MYO9A: variants seen among roughly 807,000 people sequenced by gnomAD.
The protein encoded by MYO9A is myosin IXA.
Under a neutral mutation model 293.3 loss-of-function variants are expected in MYO9A, and 103 were observed. That is an observed-to-expected ratio of 0.35 (90% CI 0.30 to 0.41). MYO9A has a LOEUF of 0.41. Ranked by LOEUF, MYO9A falls within the 10% of genes least tolerant of loss-of-function variation. MYO9A has a pLI of 1.00. For synonymous variants in MYO9A, 1,001 were observed against 1,035.7 expected (o/e 0.97, Z 0.64); for missense variants, 2,685 against 3,033.0 (o/e 0.89, Z 2.69).
intron 1 of MYO9A, among the ~76,000 whole-genome samples, chr15:72,077,297 TG>T (rs539110795): frequency 1.3e-3 from 198 of 152,238 alleles, no homozygotes; most frequent in African/African-American, 4.5e-3. Flanking sequence ...TAAAAACTTC[TG>T]CTCTGCAAAA....
intron 2 of MYO9A, among the ~76,000 whole-genome samples, chr15:72,043,450 T>C (rs575274725): frequency 6.6e-6 from 1 of 152,140 alleles, no homozygotes; most frequent in Non-Finnish European, 1.5e-5. Context: ...TATCCATCAA[T>C]GAGTGAACAG....
chr15:72,007,845 A>G lies in MYO9A; in HGVS notation c.1361T>C (p.Ile454Thr). The change falls in exon 8 of 42, where the codon ATT (isoleucine) becomes ACT (threonine). Residue 454 changes from isoleucine (I) to threonine (T), a missense_variant. Around this residue, in one of 10 missense-constraint regions of MYO9A, gnomAD observed 289 missense variants for 456.8 expected, o/e 0.63. Coordinates refer to ENST00000356056, the MANE Select transcript of MYO9A (RefSeq NM_006901.4). ...ACTCACCTCTAATAATTCTGAGACA[A>G]TAGGCAGAACTTCAGGATTACAGAT... The part of the protein sequence containing the change: ...IDICNPEVLP[I>T]VSELLEVKEE... The G allele has an allele frequency of 5.0e-6, 8 of 1,612,224 alleles. No homozygotes were observed. Among genetic ancestry groups the G allele is most frequent in the Non-Finnish European group, 6.8e-6 (8 of 1,179,440 alleles).
chr15:71,933,792 G>C, intron 17 of MYO9A, 83 bp from the exon 18 acceptor site: 2 of 1,198,700 alleles, frequency 1.7e-6, no homozygotes, highest in Non-Finnish European at 1.2e-6. Context: ...AGATTTCAAG[G>C]TCTCTCCTAA....
intron 10 of MYO9A, 103 bp downstream of exon 10, chr15:71,994,362 TCTTA>T: frequency 1.6e-6 from 1 of 608,910 alleles, no homozygotes; most frequent in Non-Finnish European, 2.7e-6. Flanking sequence ...AAAAGCGATT[TCTTA>T]CTTATTACTC....
At chr15:72,078,384 C>G (rs1026860529) in intron 1 of MYO9A, among the ~76,000 whole-genome samples, 1 of 151,602 alleles carries the variant, frequency 6.6e-6, no homozygotes, top group African/African-American at 2.4e-5. Context: ...CCTAGCTACT[C>G]AGGAGGCTGA....
intron 27 of MYO9A, among the ~76,000 whole-genome samples, chr15:71,887,731 CTTGTTAATCTGTCTTTTGTTACAGG>C (rs2057063281): frequency 6.6e-6 from 1 of 152,086 alleles, no homozygotes; most frequent in African/African-American, 2.4e-5. Flanking sequence ...TTATTTTTCT[CTTGTTAATCTGTCTTTTGTTACAGG>C]ATTCTGTCCC....
At chr15:72,060,417 T>A (rs1283369468) in intron 1 of MYO9A, among the ~76,000 whole-genome samples, 2 of 151,910 alleles carry the variant, frequency 1.3e-5, no homozygotes, top group Non-Finnish European at 2.9e-5. Flanking sequence ...AAAAAATAAA[T>A]AAAAAATAAA....
chr15:72,056,271 A>T (rs2078716004), intron 1 of MYO9A, among the ~76,000 whole-genome samples: 1 of 152,204 alleles, frequency 6.6e-6, no homozygotes, highest in African/African-American at 2.4e-5. Flanking sequence ...CATTTATACA[A>T]AAAAAGATAC....
chr15:71,872,795 T>C (rs1025600213), intron 32 of MYO9A, among the ~76,000 whole-genome samples: 2 of 152,190 alleles, frequency 1.3e-5, no homozygotes, highest in Admixed American at 1.3e-4. Context: ...AGTACAGATA[T>C]TAAAATTTTT....
chr15:71,888,110 G>T lies in MYO9A; in HGVS notation c.5149C>A (p.Gln1717Lys). The T allele has an allele frequency of 6.4e-7, 1 of 1,573,506 alleles. No individual in the cohort carries two copies. Among genetic ancestry groups the T allele is most frequent in the Non-Finnish European group, 8.7e-7 (1 of 1,146,678 alleles). The change falls in exon 27 of 42, where the codon CAG becomes AAG. Residue 1717 changes from glutamine to lysine, a missense_variant. By Grantham distance (53) the Gln-to-Lys change is moderately conservative (BLOSUM62 1). Coordinates refer to ENST00000356056, the MANE Select transcript of MYO9A (RefSeq NM_006901.4). The part of the protein sequence containing the change: ...LAGPGQRETS[Q>K]RFSSVDEQAK... Reference sequence around the variant, plus strand: ...TGTTCATCAACTGACGAAAATCGCTGTGATGTCTGTAATAATTACATATGT... The same window carrying T: ...TGTTCATCAACTGACGAAAATCGCTTTGATGTCTGTAATAATTACATATGT...
intron 1 of MYO9A, among the ~76,000 whole-genome samples, chr15:72,100,685 C>T (rs958054988): frequency 2.2e-4 from 33 of 151,284 alleles, no homozygotes; most frequent in Admixed American, 9.8e-4. Context: ...ATCTCTGCCC[C>T]GCCGCCCCGT....
Position 71,827,995 on chromosome 15 carries a change from C to T in MYO9A, c.7072G>A (p.Glu2358Lys), listed in dbSNP as rs2054578455. 1 of 1,613,670 alleles carries T rather than the reference C, an allele frequency of 6.2e-7. No homozygotes were observed. The highest frequency in any genetic ancestry group is 8.5e-7 in the Non-Finnish European group (1 of 1,179,776). Residue 2358 changes from glutamate (E) to lysine (K), a missense_variant, in exon 41 of 42, where the codon GAA becomes AAA. Physicochemically the swap from Glu to Lys is moderately conservative, Grantham distance 56. This residue lies in a region of MYO9A where 350 missense variants were observed against 328.9 expected (regional missense o/e 1.06). Transcript: ENST00000356056. The part of the protein sequence containing the change: ...EELTFEMLVL[E>K]PRASDDETLE... ...GTTTCATCATCAGAGGCACGGGGTT[C>T]CAGTACAAGCATCTCAAATGTTAGC...
intron 1 of MYO9A, among the ~76,000 whole-genome samples, chr15:72,098,956 A>C (rs1445858282): frequency 2.6e-5 from 4 of 152,014 alleles, no homozygotes; most frequent in East Asian, 1.9e-4. Flanking sequence ...AAAAAAAAAA[A>C]CAACTATAAA....
In MYO9A at chr15:71,830,292, C is replaced by G; in HGVS notation, c.6857G>C (p.Arg2286Pro). The change falls in exon 40 of 42, where the codon CGA becomes CCA. Residue 2286 changes from arginine (R) to proline (P), a missense_variant. Transcript: ENST00000356056. ...RRSMGKGRIR[R>P]GNYPGPSSPV... The stretch of plus-strand genomic sequence containing the variant: ...AGACGATGGACCTGGATAGTTTCCT[C>G]GACGAATACGCCCCTTTCCCTGCAG... 1 of 1,613,596 alleles carries G rather than the reference C, an allele frequency of 6.2e-7. No individual in the cohort carries two copies. Among genetic ancestry groups the G allele is most frequent in the Non-Finnish European group, 8.5e-7 (1 of 1,179,888 alleles).
chr15:72,116,434 C>T (rs1261416780), intron 1 of MYO9A, among the ~76,000 whole-genome samples: 2 of 152,190 alleles, frequency 1.3e-5, no homozygotes, highest in Non-Finnish European at 2.9e-5. Context: ...TTTTATTCAA[C>T]ATTTTACTGC....
At chr15:72,033,333 G>A (rs957659701) in intron 2 of MYO9A, among the ~76,000 whole-genome samples, 3 of 152,036 alleles carry the variant, frequency 2.0e-5, no homozygotes, top group Non-Finnish European at 4.4e-5. Flanking sequence ...TACAATTTTA[G>A]AATAGAATGA....
chr15:72,004,243 A>G (rs2076953488), intron 8 of MYO9A, among the ~76,000 whole-genome samples: 3 of 152,218 alleles, frequency 2.0e-5, no homozygotes. Context: ...TTACCTAATT[A>G]AAAATCTGAT....
intron 2 of MYO9A, among the ~76,000 whole-genome samples, chr15:72,034,555 G>C (rs919352965): frequency 9.2e-5 from 14 of 152,162 alleles, no homozygotes; most frequent in Non-Finnish European, 1.5e-5. Flanking sequence ...AAAAAAGCTT[G>C]ACATTGCTGA....
chr15:71,918,425 T>A (rs2058069167), intron 18 of MYO9A, among the ~76,000 whole-genome samples: 1 of 152,114 alleles, frequency 6.6e-6, no homozygotes, highest in African/African-American at 2.4e-5. Context: ...AACTGAGTAC[T>A]CCACAGCTCA....
Sources: gnomAD v4.1 joint callset for allele counts (sites outside exome capture counted in the v4.1 genomes callset) on GRCh38, gnomAD v4.1.1 for gene constraint, gnomAD v4.1.1 regional missense constraint, MANE v1.5 for transcripts, NCBI Gene and HGNC (gene_info 2026-07-23, HGNC 2026-07-21) for gene names.